The following CEP112 variants were observed in gnomAD, a reference collection of about 807,000 sequenced individuals.
CEP112 encodes centrosomal protein of 112 kDa.
A neutral mutation model predicts 153.0 loss-of-function variants in CEP112; 127 were observed. The ratio of observed to expected loss-of-function variants is 0.83; its 90% CI spans 0.72 to 0.96. The LOEUF is 0.96. Among genes scored for constraint, CEP112 ranks in the 40% least tolerant of loss-of-function variants. The probability of loss-of-function intolerance (pLI) is 0.00; values close to 1 mark genes in which losing one functional copy is unlikely to be tolerated. For missense variants in CEP112, 1,089 were observed against 1,101.2 expected, an observed-to-expected ratio of 0.99 and a Z score of 0.16; for synonymous variants, 358 against 374.4, an observed-to-expected ratio of 0.96 and a Z score of 0.51.
chr17:66,062,687 T>C (rs565636546), intron 11 of CEP112, among the ~76,000 whole-genome samples: 72 of 152,166 alleles, frequency 4.7e-4, no homozygotes, highest in Non-Finnish European at 8.1e-4. Context: ...ACTAATTTTG[T>C]TTAAAATCTG....
In CEP112 at chr17:65,907,699, G is replaced by A. The variant is rs1008691529; in HGVS notation, c.1981-5365C>T. On this transcript the variant is annotated intron_variant, in intron 19 of 26. Transcript: ENST00000535342. Reference sequence around the variant, plus strand: ...CCTAATGTTGGGGGAATATCTTGACGATGGTATTCATAACTACAAAGAATG... The same window carrying A: ...CCTAATGTTGGGGGAATATCTTGACAATGGTATTCATAACTACAAAGAATG... Among the ~76,000 whole-genome samples, 41 of 152,124 alleles carry A rather than the reference G, an allele frequency of 2.7e-4. 1 individual carries two copies. Among genetic ancestry groups the A allele is most frequent in the African/African-American group, 9.4e-4 (39 of 41,414 alleles).
intron 23 of CEP112, among the ~76,000 whole-genome samples, chr17:65,727,341 T>C (rs572195467): frequency 6.6e-6 from 1 of 152,340 alleles, no homozygotes; most frequent in Non-Finnish European, 1.5e-5. Context: ...GGGTTGTTAG[T>C]TTTCCTATTG....
intron 19 of CEP112, among the ~76,000 whole-genome samples, chr17:65,925,337 A>G (rs1200125715): frequency 1.3e-5 from 2 of 152,204 alleles, no homozygotes; most frequent in South Asian, 2.1e-4. Flanking sequence ...TAAATTACCC[A>G]GTCTTGGGTA....
chr17:65,875,861 T>C (rs1421239862), intron 20 of CEP112, among the ~76,000 whole-genome samples: 1 of 152,206 alleles, frequency 6.6e-6, no homozygotes. Context: ...ATGTTTCATG[T>C]ATAAACTGAT....
chr17:65,881,300 C>CT (rs1280043289), intron 20 of CEP112, among the ~76,000 whole-genome samples: 10 of 151,334 alleles, frequency 6.6e-5, no homozygotes, highest in South Asian at 4.2e-4. Context: ...AGGAATGCTA[C>CT]TTTTTTTTTA....
chr17:65,995,933 T>C (rs1015156169), intron 17 of CEP112, among the ~76,000 whole-genome samples: 1 of 152,178 alleles, frequency 6.6e-6, no homozygotes, highest in African/African-American at 2.4e-5. Context: ...AAGAAGTGCC[T>C]TTCGCTTTCC....
intron 12 of CEP112, among the ~76,000 whole-genome samples, chr17:66,038,100 CA>C (rs5821553): frequency 0.47 from 49,903 of 105,508 alleles, 12,058 homozygotes; most frequent in East Asian, 0.88. Flanking sequence ...GACTCTGTCT[CA>C]AAAAAAAAAA....
At chr17:65,969,191 C>T (rs1479462364) in intron 17 of CEP112, among the ~76,000 whole-genome samples, 1 of 151,188 alleles carries the variant, frequency 6.6e-6, no homozygotes, top group African/African-American at 2.4e-5. Context: ...AAGTGATTCT[C>T]TTGCCTCAGC....
chr17:65,953,451 C>G (rs753591850), intron 18 of CEP112, among the ~76,000 whole-genome samples: 4 of 152,216 alleles, frequency 2.6e-5, no homozygotes, highest in African/African-American at 9.6e-5. Flanking sequence ...AGAGAATCCA[C>G]AGACCCTTTG....
chr17:66,032,789 T>G (rs1371403963), intron 12 of CEP112, among the ~76,000 whole-genome samples: 4 of 152,080 alleles, frequency 2.6e-5, no homozygotes, highest in Non-Finnish European at 5.9e-5. Flanking sequence ...TTGTAAAACA[T>G]ATGAGGCATG....
At chr17:65,958,543 G>A (rs1212630172) in intron 18 of CEP112, among the ~76,000 whole-genome samples, 1 of 51,340 alleles carries the variant, frequency 1.9e-5, no homozygotes. Flanking sequence ...TCCAATGTTG[G>A]AGCAAAGTTA....
chr17:65,864,035 G>T (rs1198599822), intron 20 of CEP112, among the ~76,000 whole-genome samples: 1 of 151,828 alleles, frequency 6.6e-6, no homozygotes, highest in Admixed American at 6.6e-5. Flanking sequence ...CAGCTACTCG[G>T]GAGGCTGAGG....
chr17:66,011,512 T>C (rs576344423), intron 16 of CEP112, among the ~76,000 whole-genome samples: 2 of 152,314 alleles, frequency 1.3e-5, no homozygotes, highest in Non-Finnish European at 2.9e-5. Flanking sequence ...TTAATTTCCA[T>C]GTAATTATAT....
At chr17:66,167,300 A>G (rs1355550235) in intron 4 of CEP112, among the ~76,000 whole-genome samples, 1 of 152,148 alleles carries the variant, frequency 6.6e-6, no homozygotes, top group Admixed American at 6.5e-5. Context: ...AATAATGATC[A>G]CCATACCAGT....
chr17:65,826,305 T>G (rs188833110), intron 21 of CEP112: 1 of 1,614,080 alleles, frequency 6.2e-7, no homozygotes, highest in Non-Finnish European at 8.5e-7. Flanking sequence ...CACATCTTCG[T>G]TGACCCCCAT....
At chr17:65,992,879 T>C (rs1016996132) in intron 17 of CEP112, among the ~76,000 whole-genome samples, 2 of 152,210 alleles carry the variant, frequency 1.3e-5, no homozygotes, top group African/African-American at 4.8e-5. Flanking sequence ...AAATTCAAGC[T>C]CCTGGGTAAA....
intron 12 of CEP112, among the ~76,000 whole-genome samples, chr17:66,038,100 C>CAAAAAAA (rs5821553): frequency 1.2e-3 from 129 of 105,274 alleles, no homozygotes; most frequent in Non-Finnish European, 1.6e-3. Context: ...GACTCTGTCT[C>CAAAAAAA]AAAAAAAAAA....
At chr17:65,901,798 C>T (rs756983448) in intron 20 of CEP112, among the ~76,000 whole-genome samples, 7 of 151,650 alleles carry the variant, frequency 4.6e-5, no homozygotes, top group Non-Finnish European at 8.8e-5. Flanking sequence ...AGGAGTGAGG[C>T]TGATATATTT....
intron 19 of CEP112, among the ~76,000 whole-genome samples, chr17:65,905,141 G>A (rs1290164439): frequency 6.6e-6 from 1 of 152,082 alleles, no homozygotes; most frequent in Non-Finnish European, 1.5e-5. Flanking sequence ...CACAGCAAAA[G>A]AAACTATCAT....
Sources: allele counts gnomAD v4.1 joint callset (sites outside exome capture counted in the v4.1 genomes callset), GRCh38; gene constraint gnomAD v4.1.1; transcripts MANE v1.5; gene names NCBI Gene and HGNC (gene_info 2026-07-23, HGNC 2026-07-21).